The following HHIPL1 variants were observed in gnomAD, a reference collection of about 807,000 sequenced individuals.
The protein encoded by HHIPL1 is HHIP-like protein 1.
In HHIPL1, 43 loss-of-function variants were observed where a neutral mutation model predicts 61.8. That is an observed-to-expected ratio of 0.70 (90% confidence interval 0.55 to 0.90). The LOEUF (loss-of-function observed/expected upper bound fraction) is 0.90, where lower values mean the gene tolerates loss of function less well. HHIPL1 is among the 40% of genes least tolerant of loss of function. The pLI, the probability that HHIPL1 is intolerant of heterozygous loss-of-function variation, is 0.00. For synonymous variants in HHIPL1, 482 were observed against 515.8 expected (o/e 0.93, Z 0.89); for missense variants, 1,056 against 1,157.7 (o/e 0.91, Z 1.28).
chr14:99,656,101 C>A (rs2056022837), intron 2 of HHIPL1, among the ~76,000 whole-genome samples: 1 of 152,150 alleles, frequency 6.6e-6, no homozygotes, highest in Non-Finnish European at 1.5e-5. Context: ...GAGTGCACCG[C>A]ACACCGTCCT....
the HHIPL1 span, among the ~76,000 whole-genome samples, chr14:99,637,086 AAG>A: frequency 9.2e-4 from 119 of 129,796 alleles, 1 homozygote; most frequent in African/African-American, 3.5e-3. Flanking sequence ...GAGAGAAAGA[AAG>A]AAAGAAGGAA....
the HHIPL1 span, among the ~76,000 whole-genome samples, chr14:99,605,593 C>T: frequency 1.3e-5 from 2 of 152,252 alleles, no homozygotes; most frequent in Non-Finnish European, 2.9e-5. Flanking sequence ...CCGAACTGCC[C>T]TCTGCGGGGG....
At position 99,679,039 on chromosome 14, in the gene HHIPL1, A is replaced by G. The variant is rs2056416343; in HGVS notation, c.*3413A>G. ...GTAATCCTCATATTAATGCACATTT[A>G]CTCACGTGGAAGCCGAGTTCCAGGG... On this transcript the variant is annotated 3_prime_UTR_variant, in exon 9 of 9. Transcript: ENST00000330710. The G allele has an allele frequency of 6.6e-6, 1 of 152,202 alleles. No homozygotes were observed. Among genetic ancestry groups the G allele is most frequent in the East Asian group, 1.9e-4 (1 of 5,198 alleles). 9.4% of individuals were successfully genotyped at this position (152,202 alleles called of 1,614,324 possible).
intron 6 of HHIPL1, among the ~76,000 whole-genome samples, chr14:99,666,360 G>A (rs1370713988): frequency 4.6e-5 from 7 of 152,218 alleles, no homozygotes; most frequent in Non-Finnish European, 1.0e-4. Context: ...AGCCCTGGGC[G>A]GGCTTGGCAG....
rs2055960284 is a variant in HHIPL1, at chr14:99,652,782, G to A, written c.814G>A (p.Val272Met). 3.1e-6 allele frequency: 5 copies of A among 1,613,972 alleles called. No individual in the cohort carries two copies. The highest frequency in any genetic ancestry group is 8.5e-7 in the Non-Finnish European group (1 of 1,180,040). The stretch of plus-strand genomic sequence containing the variant: ...CCGCAGGCTCTACGTCTACTACTCA[G>A]TGGGTATCCGCAGCAGTGAGTGGAT... ...HNRRLYVYYS[V>M]GIRSSEWIRI... is the part of the protein sequence containing the mutation. Residue 272 changes from valine to methionine, a missense_variant, in exon 2 of 9, where the codon GTG becomes ATG. Physicochemically the swap from Val to Met is conservative, Grantham distance 21 (BLOSUM62 1). Transcript: ENST00000330710.
At chr14:99,664,723 C>A (rs2056214211) in intron 6 of HHIPL1, among the ~76,000 whole-genome samples, 1 of 152,112 alleles carries the variant, frequency 6.6e-6, no homozygotes, top group South Asian at 2.1e-4. Flanking sequence ...ACCACAGAGA[C>A]CAGGAAGGTG....
rs372955624 is a variant in HHIPL1 at position 99,668,202 on chromosome 14, T to A, written c.1649-20T>A. The A allele has an allele frequency of 3.3e-6, 5 of 1,525,678 alleles. No individual in the cohort carries two copies. In the African/African-American group the frequency reaches 6.8e-5, roughly 21 times the overall value. The allele number at this position is 1,525,678 out of a possible 1,614,324, so 94.5% of individuals were successfully genotyped here. On this transcript the variant is annotated intron_variant, in intron 6 of 8. Coordinates refer to ENST00000330710, the MANE Select transcript of HHIPL1 (RefSeq NM_001127258.3). This position sits in a 1 kb window ranked among gnomAD's most constrained non-coding sequence, Gnocchi z 4.7. Reference sequence around the variant, plus strand: ...GTATTCCAGGTGGGGGTCTCACTAGTCACTTTGTTCTGTCCAAAGGGGAGC... The same window carrying A: ...GTATTCCAGGTGGGGGTCTCACTAGACACTTTGTTCTGTCCAAAGGGGAGC...
At chr14:99,635,966 C>T in the HHIPL1 span, among the ~76,000 whole-genome samples, 2 of 152,152 alleles carry the variant, frequency 1.3e-5, no homozygotes, top group African/African-American at 4.8e-5. Context: ...AGAGCACTGC[C>T]CTGGGAGTCA....
chr14:99,611,039 A>G, the HHIPL1 span, among the ~76,000 whole-genome samples: 11 of 152,182 alleles, frequency 7.2e-5, no homozygotes, highest in Non-Finnish European at 1.2e-4. Flanking sequence ...ATTTTCATAC[A>G]TTGCCGAATT....
chr14:99,656,394 G>T (rs12589575), intron 2 of HHIPL1, among the ~76,000 whole-genome samples: 31,909 of 151,976 alleles, frequency 0.21, 3,714 homozygotes, highest in East Asian at 0.31. Flanking sequence ...GAGCCTTTAG[G>T]TCCTCCTTGG....
the HHIPL1 span, among the ~76,000 whole-genome samples, chr14:99,637,846 A>G: frequency 6.6e-6 from 1 of 152,192 alleles, no homozygotes; most frequent in Non-Finnish European, 1.5e-5. Context: ...AACAGATGAG[A>G]AAACCAATGC....
At chr14:99,642,723 A>T (rs1001710495), upstream of HHIPL1, among the ~76,000 whole-genome samples, 1 of 151,644 alleles carries the variant, frequency 6.6e-6, no homozygotes, top group Non-Finnish European at 1.5e-5. Flanking sequence ...ATGGGGTTTC[A>T]CCGTATTAGC....
upstream of HHIPL1, among the ~76,000 whole-genome samples, chr14:99,641,180 C>T (rs2055746883): frequency 6.6e-6 from 1 of 151,988 alleles, no homozygotes; most frequent in African/African-American, 2.4e-5. Context: ...AGCCACTGCA[C>T]CTGGCCTGAA....
chr14:99,635,020 A>AT, the HHIPL1 span, among the ~76,000 whole-genome samples: 1 of 151,742 alleles, frequency 6.6e-6, no homozygotes, highest in Non-Finnish European at 1.5e-5. Context: ...CTCCCCTCCG[A>AT]GGGGCAAGTT....
the HHIPL1 span, among the ~76,000 whole-genome samples, chr14:99,637,318 T>C: frequency 6.6e-6 from 1 of 151,942 alleles, no homozygotes; most frequent in South Asian, 2.1e-4. Flanking sequence ...TCCTAGCACT[T>C]TGGGAGGCCG....
In HHIPL1 at chr14:99,659,676, AGCGCGGCGGCAACTATGGCTG is replaced by A. The variant is rs1267077249; in HGVS notation, c.1301_1321del (p.Gly434_Arg440del). 6.5e-7 allele frequency: 1 copy of A among 1,535,938 alleles called. No homozygotes were observed. The highest frequency in any genetic ancestry group is 8.7e-7 in the Non-Finnish European group (1 of 1,146,162). On this transcript the variant is annotated inframe_deletion, in exon 4 of 9. Coordinates refer to ENST00000330710, the MANE Select transcript of HHIPL1 (RefSeq NM_001127258.3). The stretch of plus-strand genomic sequence containing the variant: ...AAGTTCGAGGAGGTGGACGTGGTGG[AGCGCGGCGGCAACTATGGCTG>A]GCGCGCGCGCGAAGGGTTCGAGTGC...
chr14:99,615,855 G>A, the HHIPL1 span, among the ~76,000 whole-genome samples: 2 of 152,148 alleles, frequency 1.3e-5, no homozygotes, highest in South Asian at 2.1e-4. Context: ...CCAAGCTCAC[G>A]GATTCCCTTG....
chr14:99,630,454 C>T, the HHIPL1 span, among the ~76,000 whole-genome samples: 1 of 152,190 alleles, frequency 6.6e-6, no homozygotes, highest in Non-Finnish European at 1.5e-5. Context: ...TCTGACTGGG[C>T]CTCAGCCAGC....
chr14:99,613,870 C>A, the HHIPL1 span, among the ~76,000 whole-genome samples: 1 of 151,970 alleles, frequency 6.6e-6, no homozygotes, highest in Non-Finnish European at 1.5e-5. Flanking sequence ...GAGATCATGC[C>A]GTTGCACTAC....
Sources: allele counts gnomAD v4.1 joint callset (sites outside exome capture counted in the v4.1 genomes callset), GRCh38; gene constraint gnomAD v4.1.1; non-coding constraint Gnocchi (gnomAD v3.1); transcripts MANE v1.5; gene names NCBI Gene and HGNC (gene_info 2026-07-23, HGNC 2026-07-21).